Variants in CDH9 observed in about 807,000 individuals in gnomAD.
The protein encoded by CDH9 is cadherin-9.
Under a neutral mutation model 70.9 loss-of-function variants are expected in CDH9, and 28 were observed. The observed-to-expected ratio is 0.40, with a 90% CI of 0.29 to 0.54. The LOEUF is 0.54. Among genes scored for constraint, CDH9 ranks in the 20% least tolerant of loss-of-function variants. The pLI is 0.59. For synonymous variants in CDH9, 409 were observed against 343.1 expected, an observed-to-expected ratio of 1.19 and a Z score of -2.12; for missense variants, 874 against 984.4, an observed-to-expected ratio of 0.89 and a Z score of 1.50.
At chr5:26,985,320 G>T (rs988446167) in intron 2 of CDH9, among the ~76,000 whole-genome samples, 18 of 151,986 alleles carry the variant, frequency 1.2e-4, no homozygotes, top group African/African-American at 4.1e-4. Flanking sequence ...CAGAAATTTG[G>T]AGTTAAAGAA....
rs141271541 is a variant in CDH9, at chr5:27,001,844, A to ACTCTCTCTCT, written c.-49-13472_-49-13463dup. Among the ~76,000 whole-genome samples, 599 of 142,030 alleles carry ACTCTCTCTCT rather than the reference A, an allele frequency of 4.2e-3. 10 individuals carry two copies. The highest frequency in any genetic ancestry group is 0.015 in the African/African-American group (553 of 36,446). 93.2% of individuals were successfully genotyped at this position (142,030 alleles called of 152,430 possible). ...GTGCTTAACATACACACACACACAC[A>ACTCTCTCTCT]CTCTCTCTCTCTCTCTCTCTCTCTC... On this transcript the variant is annotated intron_variant, in intron 1 of 11. Coordinates refer to ENST00000231021, the MANE Select transcript of CDH9 (RefSeq NM_016279.4).
chr5:27,027,460 G>A (rs1050629490), intron 1 of CDH9, among the ~76,000 whole-genome samples: 7 of 151,870 alleles, frequency 4.6e-5, no homozygotes, highest in African/African-American at 1.7e-4. Context: ...AAGAATAATG[G>A]TAGTCATTAA....
intron 11 of CDH9, among the ~76,000 whole-genome samples, chr5:26,883,079 A>G (rs1740497930): frequency 7.6e-6 from 1 of 131,902 alleles, no homozygotes; most frequent in Admixed American, 7.6e-5. Flanking sequence ...ATATATATAT[A>G]TATATATATA....
rs541871215 is a variant in CDH9, at chr5:27,025,434, GA to G, written c.-50+13028del. ...AGACTGACCAGAGTCCTGATACAAA[GA>G]AACACAGGCTACTTTAGTACAATTA... On this transcript the variant is annotated intron_variant, in intron 1 of 11. Transcript: ENST00000231021. Among the ~76,000 whole-genome samples the G allele has an allele frequency of 3.2e-4, 48 of 152,030 alleles. No individual in the cohort carries two copies. In the East Asian group the frequency reaches 9.1e-3, roughly 29 times the overall value.
chr5:26,893,473 T>C (rs1219073740), intron 7 of CDH9, among the ~76,000 whole-genome samples: 2 of 152,160 alleles, frequency 1.3e-5, no homozygotes, highest in African/African-American at 2.4e-5. Flanking sequence ...CAAATGATAG[T>C]ATTCCCTCAG....
At chr5:27,007,246 G>C (rs1043300083) in intron 1 of CDH9, among the ~76,000 whole-genome samples, 2 of 152,016 alleles carry the variant, frequency 1.3e-5, no homozygotes, top group Admixed American at 1.3e-4. Flanking sequence ...TATTTGATTT[G>C]ACAGAGCTTC....
intron 1 of CDH9, among the ~76,000 whole-genome samples, chr5:27,009,765 A>G (rs1027957229): frequency 7.9e-5 from 12 of 152,064 alleles, no homozygotes; most frequent in African/African-American, 2.9e-4. Flanking sequence ...CTCTCTTAAA[A>G]ACGAAATGCC....
At chr5:26,911,405 G>A (rs1741050976) in intron 3 of CDH9, among the ~76,000 whole-genome samples, 1 of 152,148 alleles carries the variant, frequency 6.6e-6, no homozygotes, top group Admixed American at 6.6e-5. Context: ...CACACATAGT[G>A]AACCTCTGGG....
intron 2 of CDH9, among the ~76,000 whole-genome samples, chr5:26,951,181 T>C (rs1018023530): frequency 6.9e-6 from 1 of 145,328 alleles, no homozygotes; most frequent in Non-Finnish European, 1.5e-5. Context: ...TAATCCCAGC[T>C]ACCCAGGAGG....
At chr5:26,974,178 T>C (rs1742266787) in intron 2 of CDH9, among the ~76,000 whole-genome samples, 3 of 151,888 alleles carry the variant, frequency 2.0e-5, no homozygotes, top group South Asian at 2.1e-4. Context: ...TGGGAGACAG[T>C]GGTTGCAGAG....
At chr5:26,979,585 T>C (rs1742364741) in intron 2 of CDH9, among the ~76,000 whole-genome samples, 2 of 151,888 alleles carry the variant, frequency 1.3e-5, no homozygotes, top group Admixed American at 6.6e-5. Context: ...ATGCCAAATA[T>C]TGTCAGATTG....
chr5:26,965,599 T>A (rs1402776553), intron 2 of CDH9, among the ~76,000 whole-genome samples: 4 of 149,636 alleles, frequency 2.7e-5, no homozygotes, highest in African/African-American at 9.8e-5. Flanking sequence ...ATAATAATAA[T>A]AATAAATATT....
chr5:26,974,948 C>T (rs1742280474), intron 2 of CDH9, among the ~76,000 whole-genome samples: 1 of 152,160 alleles, frequency 6.6e-6, no homozygotes, highest in South Asian at 2.1e-4. Flanking sequence ...TCCATCCTAT[C>T]ACTAACAGTT....
intron 1 of CDH9, among the ~76,000 whole-genome samples, chr5:27,012,632 G>T (rs1383615667): frequency 1.3e-5 from 2 of 151,868 alleles, no homozygotes; most frequent in East Asian, 3.9e-4. Flanking sequence ...CAGATTATTT[G>T]TACAAGCCAA....
intron 2 of CDH9, among the ~76,000 whole-genome samples, chr5:26,987,892 C>T (rs1462635559): frequency 6.6e-6 from 1 of 151,982 alleles, no homozygotes; most frequent in African/African-American, 2.4e-5. Context: ...CCACATATGA[C>T]TTAGTAGTTT....
chr5:26,904,662 T>C (rs371473480), intron 5 of CDH9, among the ~76,000 whole-genome samples: 2 of 152,030 alleles, frequency 1.3e-5, no homozygotes, highest in African/African-American at 4.8e-5. Context: ...TCTATATTCT[T>C]TCCAATTTAT....
chr5:26,913,757 T>TG (rs1741095142), intron 3 of CDH9, among the ~76,000 whole-genome samples: 1 of 145,446 alleles, frequency 6.9e-6, no homozygotes, highest in Non-Finnish European at 1.5e-5. Flanking sequence ...ACATATATGT[T>TG]TGTGTGTGTG....
intron 2 of CDH9, among the ~76,000 whole-genome samples, chr5:26,943,095 GC>G (rs1233438754): frequency 1.3e-5 from 2 of 152,068 alleles, no homozygotes; most frequent in Non-Finnish European, 2.9e-5. Flanking sequence ...ATAAAATTTT[GC>G]CCAGATACTT....
intron 1 of CDH9, among the ~76,000 whole-genome samples, chr5:27,025,795 C>T (rs1458461704): frequency 6.6e-6 from 1 of 151,950 alleles, no homozygotes; most frequent in East Asian, 1.9e-4. Context: ...TAGAACCTCC[C>T]TCAACATTCA....
Sources: allele counts gnomAD v4.1 joint callset (sites outside exome capture counted in the v4.1 genomes callset), GRCh38; gene constraint gnomAD v4.1.1; transcripts MANE v1.5; gene names NCBI Gene and HGNC (gene_info 2026-07-23, HGNC 2026-07-21).